The following RALGPS2 variants were observed in gnomAD, a reference collection of about 807,000 sequenced individuals.
RALGPS2 encodes the protein ras-specific guanine nucleotide-releasing factor RalGPS2.
RALGPS2 carries 43 observed loss-of-function variants against 86.8 expected under a neutral mutation model. The ratio of observed to expected loss-of-function variants is 0.50; its 90% CI spans 0.39 to 0.64. RALGPS2 has a LOEUF of 0.64. RALGPS2 is among the 30% of genes least tolerant of loss of function. The pLI is 0.00. For missense variants in RALGPS2, 536 were observed against 694.6 expected (o/e 0.77, Z 2.57); for synonymous variants, 243 against 231.3 (o/e 1.05, Z -0.46).
At chr1:178,916,120 A>G (rs574550428) in intron 19 of RALGPS2, among the ~76,000 whole-genome samples, 2 of 152,334 alleles carry the variant, frequency 1.3e-5, no homozygotes, top group African/African-American at 2.4e-5. Context: ...TCATTTTACT[A>G]GAAAGAGTAT....
At chr1:178,865,214 T>C in intron 8 of RALGPS2, 1 of 1,614,076 alleles carries the variant, frequency 6.2e-7, no homozygotes, top group South Asian at 1.1e-5. Flanking sequence ...CACAGATTGG[T>C]TATTGACAAG....
At chr1:178,801,539 T>A (rs111926468) in intron 4 of RALGPS2, among the ~76,000 whole-genome samples, 296 of 152,240 alleles carry the variant, frequency 1.9e-3, no homozygotes, top group Non-Finnish European at 3.4e-3. Flanking sequence ...ATTAAAAAAA[T>A]TTTTTAATAC....
At chr1:178,876,291 A>AT (rs1416085856) in intron 8 of RALGPS2, among the ~76,000 whole-genome samples, 2 of 152,192 alleles carry the variant, frequency 1.3e-5, no homozygotes, top group Non-Finnish European at 2.9e-5. Flanking sequence ...ATAATGTATG[A>AT]TTTTTTAATA....
intron 6 of RALGPS2, among the ~76,000 whole-genome samples, chr1:178,819,776 C>T (rs1655409372): frequency 6.6e-6 from 1 of 152,094 alleles, no homozygotes; most frequent in South Asian, 2.1e-4. Context: ...GTATGTAGTC[C>T]TTACTAAATT....
rs753439316 is a variant in RALGPS2, at chr1:178,853,707, T to G, written c.607+20157T>G. 3.7e-6 allele frequency: 6 copies of G among 1,612,816 alleles called. No individual in the cohort carries two copies. The East Asian group carries it at 1.1e-4, about 30-fold the overall frequency. ...TCACACCATAACTGCATTGGTCCATTGCTGTTTTCAGGTTTAATCATATAA... is the reference window on the plus strand; with the variant it reads ...TCACACCATAACTGCATTGGTCCATGGCTGTTTTCAGGTTTAATCATATAA... On this transcript the variant is annotated intron_variant, in intron 8 of 19. Coordinates refer to ENST00000367635, the MANE Select transcript of RALGPS2 (RefSeq NM_152663.5).
At chr1:178,897,098 C>A (rs1446578847) in intron 16 of RALGPS2, among the ~76,000 whole-genome samples, 1 of 151,664 alleles carries the variant, frequency 6.6e-6, no homozygotes, top group African/African-American at 2.4e-5. Context: ...AAGAAAAAAA[C>A]AAACAACCCC....
At chr1:178,853,157 G>A in intron 8 of RALGPS2, 1 of 985,286 alleles carries the variant, frequency 1.0e-6, no homozygotes, top group Non-Finnish European at 1.2e-6. Context: ...CTTCTGATAT[G>A]TCAGTATTCA....
At chr1:178,898,858 A>G (rs527522977) in intron 17 of RALGPS2, among the ~76,000 whole-genome samples, 4 of 152,076 alleles carry the variant, frequency 2.6e-5, no homozygotes, top group Admixed American at 1.3e-4. Context: ...CAAATTGACA[A>G]TAATGCCTAT....
intron 1 of RALGPS2, among the ~76,000 whole-genome samples, chr1:178,765,254 G>A (rs1026739243): frequency 6.6e-6 from 1 of 151,634 alleles, no homozygotes; most frequent in African/African-American, 2.4e-5. Context: ...TATTTCACGT[G>A]GGTCCTTTTC....
chr1:178,754,157 G>A (rs1651834037), intron 1 of RALGPS2, among the ~76,000 whole-genome samples: 2 of 151,888 alleles, frequency 1.3e-5, no homozygotes, highest in African/African-American at 4.8e-5. Flanking sequence ...AGGAGCTTCT[G>A]TATAATTTGG....
At chr1:178,735,810 T>A (rs1650660162) in intron 1 of RALGPS2, among the ~76,000 whole-genome samples, 1 of 152,052 alleles carries the variant, frequency 6.6e-6, no homozygotes, top group South Asian at 2.1e-4. Flanking sequence ...ATTTGTATAT[T>A]TCTGGGGATA....
intron 18 of RALGPS2, among the ~76,000 whole-genome samples, chr1:178,902,830 C>G (rs1163027659): frequency 6.6e-6 from 1 of 152,060 alleles, no homozygotes; most frequent in African/African-American, 2.4e-5. Context: ...AGCAGCAAAA[C>G]AGTGACTTTC....
At chr1:178,861,959 G>GC (rs371689586) in intron 8 of RALGPS2, among the ~76,000 whole-genome samples, 1 of 151,760 alleles carries the variant, frequency 6.6e-6, no homozygotes, top group Non-Finnish European at 1.5e-5. Context: ...TGCAACCTCC[G>GC]CCCCCCAGGT....
intron 17 of RALGPS2, among the ~76,000 whole-genome samples, chr1:178,898,529 T>G (rs1398960525): frequency 6.6e-6 from 1 of 151,998 alleles, no homozygotes; most frequent in Non-Finnish European, 1.5e-5. Context: ...AAGAACATTT[T>G]TGGTTTAAAT....
At chr1:178,757,480 T>C (rs1298924614) in intron 1 of RALGPS2, among the ~76,000 whole-genome samples, 1 of 152,188 alleles carries the variant, frequency 6.6e-6, no homozygotes, top group Non-Finnish European at 1.5e-5. Context: ...TGCCTAGTTT[T>C]TTTGAGGGTT....
At chr1:178,783,747 A>G (rs1349114846) in intron 2 of RALGPS2, among the ~76,000 whole-genome samples, 1 of 152,166 alleles carries the variant, frequency 6.6e-6, no homozygotes, top group Non-Finnish European at 1.5e-5. Flanking sequence ...GCCAGCTGAT[A>G]CAGAATATAT....
At chr1:178,801,437 T>C (rs1043887511) in intron 4 of RALGPS2, among the ~76,000 whole-genome samples, 2 of 152,248 alleles carry the variant, frequency 1.3e-5, no homozygotes, top group Non-Finnish European at 2.9e-5. Context: ...TTTATACATA[T>C]CAACCCATTT....
chr1:178,877,139 C>A (rs961914522), intron 8 of RALGPS2, among the ~76,000 whole-genome samples: 2 of 152,094 alleles, frequency 1.3e-5, no homozygotes, highest in Non-Finnish European at 2.9e-5. Context: ...AAATAACTCT[C>A]CATTATGAAA....
chr1:178,811,218 A>G (rs1332485699), intron 5 of RALGPS2, 97 bp from the exon 6 acceptor site: 2 of 777,084 alleles, frequency 2.6e-6, no homozygotes, highest in Non-Finnish European at 4.0e-6. Context: ...GTTTAATTTT[A>G]GAGCTTACCT....
Sources: allele counts gnomAD v4.1 joint callset (sites outside exome capture counted in the v4.1 genomes callset), GRCh38; gene constraint gnomAD v4.1.1; transcripts MANE v1.5; gene names NCBI Gene and HGNC (gene_info 2026-07-23, HGNC 2026-07-21).